Variants in CUZD1 observed in about 807,000 individuals in gnomAD.
The protein encoded by CUZD1 is CUB and zona pellucida-like domain-containing protein 1.
A neutral mutation model predicts 53.1 loss-of-function variants in CUZD1; 42 were observed. That is an observed-to-expected ratio of 0.79 (90% CI 0.62 to 1.02). CUZD1 has a LOEUF of 1.02. CUZD1 is among the 50% of genes least tolerant of loss of function. The pLI is 0.00. For synonymous variants in CUZD1, 238 were observed against 257.2 expected (o/e 0.93, Z 0.71); for missense variants, 670 against 715.7 (o/e 0.94, Z 0.73).
intron 3 of CUZD1, among the ~76,000 whole-genome samples, chr10:122,838,623 C>G (rs1258733185): frequency 1.3e-5 from 2 of 152,012 alleles, no homozygotes; most frequent in African/African-American, 4.8e-5. Context: ...AGGTGCAGTC[C>G]CTGAAGAGGC....
intron 7 of CUZD1, 134 bp from the exon 8 acceptor site, chr10:122,834,074 T>A: frequency 1.4e-6 from 1 of 726,492 alleles, no homozygotes; most frequent in Non-Finnish European, 2.2e-6. Context: ...CACACTACAG[T>A]GAGTTAAGAC....
chr10:122,841,236 T>C lies in CUZD1; in HGVS notation c.175A>G (p.Thr59Ala). 1.2e-6 allele frequency: 2 copies of C among 1,614,118 alleles called. No homozygotes were observed. Among genetic ancestry groups the C allele is most frequent in the Non-Finnish European group, 1.7e-6 (2 of 1,179,968 alleles). Residue 59 changes from threonine (T) to alanine (A), a missense_variant, in exon 2 of 9, where the codon ACC becomes GCC. Transcript: ENST00000392790. ...TTTTCTGGTCTTTCTATTGTCCAGG[T>C]GCAGTTCTCACTGGGATTGAGTTGC... Reference protein sequence around the residue: ...ILQLNPSENCTWTIERPENKS... With the variant: ...ILQLNPSENCAWTIERPENKS...
chr10:122,837,033 T>A lies in CUZD1; in HGVS notation c.615A>T (p.Lys205Asn), dbSNP rs561395165. ...NFKEIFLEID[K>N]QCKFDFLAIY... is the part of the protein sequence containing the mutation. ...TGGCAAGAAAATCAAATTTGCACTG[T>A]TTGTCTATTTCTAGGCTAGAGAATG... The change falls in exon 5 of 9, where the codon AAA (lysine) becomes AAT (asparagine). Residue 205 changes from lysine to asparagine, a missense_variant. Coordinates refer to ENST00000392790, the MANE Select transcript of CUZD1 (RefSeq NM_022034.6). 8.1e-6 allele frequency: 13 copies of A among 1,612,312 alleles called. No individual in the cohort carries two copies. In the South Asian group the frequency reaches 1.4e-4, roughly 18 times the overall value.
At chr10:122,837,184 A>G in intron 4 of CUZD1, 136 bp from the exon 5 acceptor site, 1 of 863,674 alleles carries the variant, frequency 1.2e-6, no homozygotes, top group East Asian at 2.7e-5. Context: ...TACGAAGACA[A>G]ACCTGGGGTT....
At chr10:122,841,997 T>G (rs1295656469) in intron 1 of CUZD1, among the ~76,000 whole-genome samples, 2 of 152,146 alleles carry the variant, frequency 1.3e-5, no homozygotes, top group African/African-American at 4.8e-5. Context: ...TTTTGAGAGT[T>G]TTTTATATAT....
rs749658016 is a variant in CUZD1 at position 122,837,022 on chromosome 10, A to G, written c.626T>C (p.Phe209Ser). Residue 209 changes from phenylalanine (F) to serine (S), a missense_variant, in exon 5 of 9, where the codon TTT (phenylalanine) becomes TCT (serine). Transcript: ENST00000392790. ...GCCATCATAGATGGCAAGAAAATCA[A>G]ATTTGCACTGTTTGTCTATTTCTAG... is the stretch of plus-strand genomic sequence containing the variant. ...IFLEIDKQCK[F>S]DFLAIYDGPS... is the part of the protein sequence containing the mutation. The G allele has an allele frequency of 6.8e-6, 11 of 1,613,336 alleles. No homozygotes were observed. Among genetic ancestry groups the G allele is most frequent in the Non-Finnish European group, 9.3e-6 (11 of 1,179,528 alleles).
At chr10:122,841,529 C>T (rs1847345992) in intron 1 of CUZD1, among the ~76,000 whole-genome samples, 1 of 152,152 alleles carries the variant, frequency 6.6e-6, no homozygotes, top group South Asian at 2.1e-4. Flanking sequence ...TTTAACTTCT[C>T]TACATATAGA....
intron 2 of CUZD1, among the ~76,000 whole-genome samples, 184 bp downstream of exon 2, chr10:122,840,994 C>T (rs969077596): frequency 9.2e-5 from 14 of 152,110 alleles, no homozygotes; most frequent in Non-Finnish European, 1.9e-4. Context: ...GAGCCAGTGC[C>T]GGGCACACAG....
chr10:122,844,549 A>G (rs903831488), intron 1 of CUZD1, among the ~76,000 whole-genome samples: 1 of 152,184 alleles, frequency 6.6e-6, no homozygotes, highest in Non-Finnish European at 1.5e-5. Context: ...ACTGGATCCT[A>G]AAGATAAGCT....
chr10:122,836,934 C>T lies in CUZD1; in HGVS notation c.714G>A (p.Ser238=), dbSNP rs201913985. The T allele has an allele frequency of 2.2e-5, 36 of 1,613,908 alleles. No individual in the cohort carries two copies. The highest frequency in any genetic ancestry group is 6.7e-5 in the African/African-American group (5 of 74,876). Residue 238 remains serine (S), a synonymous_variant, in exon 5 of 9, where the codon TCG becomes TCA. Transcript: ENST00000392790. ...ACACGACAGTCAGAGAGTTTGATGA[C>T]GATTCGAAGGTGGGAGTCACACGGC... ...VCGRVTPTFE[S]SSNSLTVVLS...
At chr10:122,839,811 A>G (rs1482001499) in intron 2 of CUZD1, among the ~76,000 whole-genome samples, 2 of 152,214 alleles carry the variant, frequency 1.3e-5, no homozygotes, top group Non-Finnish European at 2.9e-5. Flanking sequence ...CTCAGAGGAC[A>G]TATGTCCAAA....
At position 122,833,935 on chromosome 10, in the gene CUZD1, C is replaced by T; in HGVS notation, c.1388G>A (p.Ser463Asn). 1.9e-6 allele frequency: 3 copies of T among 1,611,774 alleles called. No homozygotes were observed. Among genetic ancestry groups the T allele is most frequent in the East Asian group, 2.2e-5 (1 of 44,854 alleles). Residue 463 changes from serine (S) to asparagine (N), a missense_variant, in exon 8 of 9, where the codon AGT becomes AAT. By Grantham distance (46) the Ser-to-Asn change is conservative. Transcript: ENST00000392790. The stretch of plus-strand genomic sequence containing the variant: ...ATACACCTTACAAGTTTCATCTCGA[C>T]TACATCTGGAACAGAATTTATGAAC... ...PTYDLIKSGCSRDETCKVYPL... is the reference protein window; with the variant it reads ...PTYDLIKSGCNRDETCKVYPL...
At chr10:122,836,393 C>T (rs1299595335) in intron 5 of CUZD1, 43 bp from the exon 6 acceptor site, 10 of 1,471,124 alleles carry the variant, frequency 6.8e-6, no homozygotes, top group Non-Finnish European at 8.1e-6. Flanking sequence ...ATGTTTATGC[C>T]AGCTAGGAAT....
Position 122,841,248 on chromosome 10 carries a change from T to C in CUZD1, c.163A>G (p.Ser55Gly), listed in dbSNP as rs141881176. The C allele has an allele frequency of 9.2e-4, 1,493 of 1,614,080 alleles. 8 individuals carry two copies. In the East Asian group the frequency reaches 0.014, roughly 15 times the overall value. The change falls in exon 2 of 9, where the codon AGT becomes GGT. Residue 55 changes from serine (S) to glycine (G), a missense_variant. By Grantham distance (56) the Ser-to-Gly change is moderately conservative. Transcript: ENST00000392790. Reference sequence around the variant, plus strand: ...TCTATTGTCCAGGTGCAGTTCTCACTGGGATTGAGTTGCAGGATCATGGCT... The same window carrying C: ...TCTATTGTCCAGGTGCAGTTCTCACCGGGATTGAGTTGCAGGATCATGGCT... Reference protein sequence around the residue: ...HKAMILQLNPSENCTWTIERP... With the variant: ...HKAMILQLNPGENCTWTIERP...
Position 122,841,819 on chromosome 10 carries a change from G to A in CUZD1, c.83-491C>T, listed in dbSNP as rs147230891. On this transcript the variant is annotated intron_variant, in intron 1 of 8. Transcript: ENST00000392790. ...ATTGCTTTGTATAGCCATTCTAACA[G>A]ATGTGTAGCAGCATCCCATCATGGT... Among the ~76,000 whole-genome samples, 190 of 152,316 alleles carry A rather than the reference G, an allele frequency of 1.2e-3. 1 individual carries two copies. The Middle Eastern group carries it at 0.017, about 14-fold the overall frequency.
intron 1 of CUZD1, among the ~76,000 whole-genome samples, chr10:122,844,726 G>C (rs1298425461): frequency 6.6e-6 from 1 of 152,018 alleles, no homozygotes; most frequent in Non-Finnish European, 1.5e-5. Flanking sequence ...AAATTATTTG[G>C]TAAATTCTTA....
chr10:122,841,137 A>T, intron 2 of CUZD1, 41 bp downstream of exon 2: 2 of 1,573,826 alleles, frequency 1.3e-6, no homozygotes, highest in South Asian at 1.2e-5. Context: ...ATGTGGTCAG[A>T]GTTCGATATC....
In CUZD1 at chr10:122,837,421, T is replaced by C; in HGVS notation, c.582A>G (p.Leu194=). The change falls in exon 4 of 9, where the codon CTA becomes CTG. Residue 194 remains leucine (L), a synonymous_variant. Coordinates refer to ENST00000392790, the MANE Select transcript of CUZD1 (RefSeq NM_022034.6). ...GTACTTACAAAATCTCTTTGAAGTT[T>C]AGTTTTATCTTGTAATCTTTCTCCA... ...IQVEKDYKIK[L]NFKEIFLEID... 6.2e-7 allele frequency: 1 copy of C among 1,614,130 alleles called. No individual in the cohort carries two copies. Among genetic ancestry groups the C allele is most frequent in the Non-Finnish European group, 8.5e-7 (1 of 1,179,988 alleles).
chr10:122,839,725 TC>T (rs1847307111), intron 2 of CUZD1, among the ~76,000 whole-genome samples: 1 of 152,178 alleles, frequency 6.6e-6, no homozygotes, highest in African/African-American at 2.4e-5. Context: ...TGAAGGACAG[TC>T]CCATGCCCTG....
Sources: gnomAD v4.1 joint callset for allele counts (sites outside exome capture counted in the v4.1 genomes callset) on GRCh38, gnomAD v4.1.1 for gene constraint, MANE v1.5 for transcripts, NCBI Gene and HGNC (gene_info 2026-07-23, HGNC 2026-07-21) for gene names.